The following FHIT variants were observed in gnomAD, a reference collection of about 807,000 sequenced individuals.
FHIT encodes the protein fragile histidine triad diadenosine triphosphatase.
A neutral mutation model predicts 17.9 loss-of-function variants in FHIT; 19 were observed. That is an observed-to-expected ratio of 1.06 (90% CI 0.74 to 1.56). The LOEUF (loss-of-function observed/expected upper bound fraction) is 1.56, where lower values mean the gene tolerates loss of function less well. FHIT is among the 40% of genes most tolerant of loss of function. The pLI is 0.00. For missense variants in FHIT, 248 were observed against 189.2 expected (o/e 1.31, Z -1.82); for synonymous variants, 81 against 69.7 (o/e 1.16, Z -0.81).
intron 5 of FHIT, among the ~76,000 whole-genome samples, chr3:60,067,289 C>G (rs1295882908): frequency 6.6e-6 from 1 of 151,946 alleles, no homozygotes; most frequent in Non-Finnish European, 1.5e-5. Flanking sequence ...TAGCACTATG[C>G]CAGCCATACA....
At chr3:60,873,580 C>G (rs933270969) in intron 3 of FHIT, among the ~76,000 whole-genome samples, 1 of 152,138 alleles carries the variant, frequency 6.6e-6, no homozygotes, top group Non-Finnish European at 1.5e-5. Flanking sequence ...ACAAACCATC[C>G]AAGCTGCCTC....
chr3:60,574,662 C>T (rs189513352), intron 4 of FHIT, among the ~76,000 whole-genome samples: 4 of 152,072 alleles, frequency 2.6e-5, no homozygotes, highest in African/African-American at 4.8e-5. Context: ...CATGGTCCAA[C>T]GTAACACTTT....
intron 4 of FHIT, among the ~76,000 whole-genome samples, chr3:60,675,818 T>C (rs1285018465): frequency 6.6e-6 from 1 of 152,202 alleles, no homozygotes; most frequent in African/African-American, 2.4e-5. Flanking sequence ...TCACAGCAAA[T>C]CAAATTCTCA....
intron 7 of FHIT, among the ~76,000 whole-genome samples, chr3:59,961,978 T>C (rs1182790780): frequency 1.3e-5 from 2 of 152,182 alleles, no homozygotes; most frequent in Non-Finnish European, 2.9e-5. Context: ...TAGCATGGTG[T>C]CTGGCATATA....
At chr3:60,509,071 T>G (rs2034845607) in intron 5 of FHIT, among the ~76,000 whole-genome samples, 1 of 151,940 alleles carries the variant, frequency 6.6e-6, no homozygotes. Flanking sequence ...TACCTGCAAC[T>G]CCCCCATTGC....
intron 3 of FHIT, among the ~76,000 whole-genome samples, chr3:60,851,407 A>C (rs1173340798): frequency 2.0e-5 from 3 of 152,106 alleles, no homozygotes; most frequent in African/African-American, 7.2e-5. Flanking sequence ...CTGGAATCTC[A>C]CTCAGCACTA....
At chr3:59,830,444 A>G (rs1701125712) in intron 8 of FHIT, among the ~76,000 whole-genome samples, 1 of 152,194 alleles carries the variant, frequency 6.6e-6, no homozygotes, top group Admixed American at 6.5e-5. Context: ...TAGATGTATA[A>G]TTAGCTCCCT....
chr3:60,030,809 A>G (rs543990302), intron 5 of FHIT, among the ~76,000 whole-genome samples: 7 of 152,318 alleles, frequency 4.6e-5, no homozygotes, highest in African/African-American at 1.2e-4. Flanking sequence ...ATTAGAACGA[A>G]TGACTGTTGA....
chr3:60,134,130 C>T (rs1343260155), intron 5 of FHIT, among the ~76,000 whole-genome samples: 1 of 152,062 alleles, frequency 6.6e-6, no homozygotes, highest in African/African-American at 2.4e-5. Context: ...GACAGAAGTA[C>T]TACTCAGTCA....
chr3:61,174,909 G>A (rs1254047996), intron 2 of FHIT, among the ~76,000 whole-genome samples: 6 of 152,116 alleles, frequency 3.9e-5, no homozygotes, highest in Admixed American at 1.3e-4. Context: ...TTAGAGATGG[G>A]AGTCAGTCAG....
At chr3:60,781,776 G>A (rs912696087) in intron 4 of FHIT, among the ~76,000 whole-genome samples, 1 of 152,112 alleles carries the variant, frequency 6.6e-6, no homozygotes, top group South Asian at 2.1e-4. Flanking sequence ...AAAGAGGTAG[G>A]ACACCAATGG....
intron 5 of FHIT, among the ~76,000 whole-genome samples, chr3:60,436,044 T>C (rs1158179260): frequency 6.6e-6 from 1 of 151,706 alleles, no homozygotes; most frequent in Non-Finnish European, 1.5e-5. Context: ...ACATTTTTTC[T>C]TTTTTCTTTT....
At chr3:60,460,908 C>T (rs574164934) in intron 5 of FHIT, among the ~76,000 whole-genome samples, 11 of 152,074 alleles carry the variant, frequency 7.2e-5, no homozygotes, top group South Asian at 2.1e-4. Flanking sequence ...AACTTAAGTA[C>T]GTACAAATTT....
intron 4 of FHIT, among the ~76,000 whole-genome samples, chr3:60,767,887 A>T (rs1203269617): frequency 6.6e-6 from 1 of 152,196 alleles, no homozygotes; most frequent in African/African-American, 2.4e-5. Context: ...CATTGGGTGC[A>T]CTCAGCAGCA....
intron 2 of FHIT, among the ~76,000 whole-genome samples, chr3:61,185,600 G>A (rs75138796): frequency 0.015 from 2,314 of 152,174 alleles, 49 homozygotes; most frequent in African/African-American, 0.053. Context: ...CATCCACTTC[G>A]GTACTTTCTA....
chr3:61,225,282 G>C (rs899590927), intron 1 of FHIT, among the ~76,000 whole-genome samples: 1 of 152,172 alleles, frequency 6.6e-6, no homozygotes, highest in Non-Finnish European at 1.5e-5. Flanking sequence ...TTTCATGTTT[G>C]TTAATGCCTG....
chr3:60,826,073 C>A (rs1283063794), intron 3 of FHIT, among the ~76,000 whole-genome samples: 4 of 151,520 alleles, frequency 2.6e-5, no homozygotes, highest in Admixed American at 6.6e-5. Flanking sequence ...ATGATCATTA[C>A]ACTAGTTTTT....
At chr3:60,972,574 C>T (rs1710071158) in intron 3 of FHIT, among the ~76,000 whole-genome samples, 1 of 149,994 alleles carries the variant, frequency 6.7e-6, no homozygotes, top group Non-Finnish European at 1.5e-5. Flanking sequence ...TTTTTTCTTA[C>T]ACAGTTTCTT....
chr3:60,594,648 T>C (rs1304875412), intron 4 of FHIT, among the ~76,000 whole-genome samples: 3 of 151,918 alleles, frequency 2.0e-5, no homozygotes, highest in Non-Finnish European at 2.9e-5. Flanking sequence ...CTATAAAGGG[T>C]TTTCTATTCC....
Sources: gnomAD v4.1 joint callset for allele counts (sites outside exome capture counted in the v4.1 genomes callset) on GRCh38, gnomAD v4.1.1 for gene constraint, MANE v1.5 for transcripts, NCBI Gene and HGNC (gene_info 2026-07-23, HGNC 2026-07-21) for gene names.